Variants in PLXDC2 observed in about 807,000 individuals in gnomAD.
PLXDC2 encodes plexin domain containing 2.
A neutral mutation model predicts 68.9 loss-of-function variants in PLXDC2; 40 were observed. The observed-to-expected ratio is 0.58, with a 90% CI of 0.45 to 0.76. The LOEUF (loss-of-function observed/expected upper bound fraction) is 0.76, where lower values mean the gene tolerates loss of function less well. PLXDC2 is among the 30% of genes least tolerant of loss of function. The pLI, the probability that PLXDC2 is intolerant of heterozygous loss-of-function variation, is 0.00. For synonymous variants in PLXDC2, 243 were observed against 234.2 expected (o/e 1.04, Z -0.34); for missense variants, 644 against 661.9 (o/e 0.97, Z 0.30).
intron 7 of PLXDC2, among the ~76,000 whole-genome samples, chr10:20,166,074 G>A (rs539454286): frequency 6.6e-6 from 1 of 152,220 alleles, no homozygotes; most frequent in South Asian, 2.1e-4. Context: ...TTTGGTTACA[G>A]TGGTAGATAA....
chr10:20,042,589 TTTTG>T (rs3050071), intron 2 of PLXDC2, among the ~76,000 whole-genome samples: 119,322 of 151,288 alleles, frequency 0.79, 47,214 homozygotes, highest in East Asian at 0.85. Flanking sequence ...ATTTGATCTT[TTTTG>T]TTTGTTTGTT....
intron 4 of PLXDC2, among the ~76,000 whole-genome samples, chr10:20,117,599 T>A (rs1833638813): frequency 6.6e-6 from 1 of 152,114 alleles, no homozygotes. Context: ...CAGAGTTGAC[T>A]CCTGAAAAAA....
At chr10:19,960,293 G>A (rs1361831579) in intron 1 of PLXDC2, among the ~76,000 whole-genome samples, 1 of 151,834 alleles carries the variant, frequency 6.6e-6, no homozygotes, top group Non-Finnish European at 1.5e-5. Flanking sequence ...GAGTCCTGGA[G>A]TTCCAGGTCA....
intron 1 of PLXDC2, among the ~76,000 whole-genome samples, chr10:19,889,965 A>G (rs936470369): frequency 1.2e-4 from 19 of 152,342 alleles, no homozygotes; most frequent in Non-Finnish European, 2.2e-4. Flanking sequence ...GAGTAGTGAC[A>G]GGTAGAATAA....
intron 13 of PLXDC2, among the ~76,000 whole-genome samples, chr10:20,274,522 G>A (rs964608652): frequency 6.6e-6 from 1 of 152,150 alleles, no homozygotes. Context: ...GGAGACTAGA[G>A]ATGAGCTGAC....
chr10:20,069,315 G>A (rs1836276846), intron 4 of PLXDC2, among the ~76,000 whole-genome samples: 1 of 152,192 alleles, frequency 6.6e-6, no homozygotes, highest in South Asian at 2.1e-4. Context: ...GTGTAGCTTA[G>A]TGGAATATTA....
At chr10:19,877,974 A>G (rs1033871490) in intron 1 of PLXDC2, among the ~76,000 whole-genome samples, 6 of 152,230 alleles carry the variant, frequency 3.9e-5, no homozygotes, top group African/African-American at 7.2e-5. Flanking sequence ...CATTGCCACA[A>G]TATGTCCCAT....
chr10:20,014,431 TTTCC>T (rs1564657086), intron 2 of PLXDC2, among the ~76,000 whole-genome samples: 1 of 90,464 alleles, frequency 1.1e-5, no homozygotes, highest in Non-Finnish European at 2.4e-5. Flanking sequence ...TCCTTCCTTC[TTTCC>T]TTCCTTCCTT....
chr10:20,149,587 A>T (rs1021376964), intron 6 of PLXDC2, among the ~76,000 whole-genome samples: 2 of 151,884 alleles, frequency 1.3e-5, no homozygotes, highest in Non-Finnish European at 2.9e-5. Context: ...TCCACTCTCA[A>T]GTAGGCCCCA....
chr10:19,923,305 AAAG>A (rs1833490299), intron 1 of PLXDC2, among the ~76,000 whole-genome samples: 1 of 152,236 alleles, frequency 6.6e-6, no homozygotes, highest in African/African-American at 2.4e-5. Flanking sequence ...AAACAAAAAC[AAAG>A]AACAACAACA....
At chr10:20,152,131 T>C (rs185421094) in intron 6 of PLXDC2, among the ~76,000 whole-genome samples, 3 of 149,962 alleles carry the variant, frequency 2.0e-5, no homozygotes, top group East Asian at 1.9e-4. Flanking sequence ...GCTGCAAATA[T>C]TGTCATTTCT....
intron 1 of PLXDC2, among the ~76,000 whole-genome samples, chr10:19,951,703 G>A (rs1833995107): frequency 6.6e-6 from 1 of 152,184 alleles, no homozygotes; most frequent in African/African-American, 2.4e-5. Flanking sequence ...GTACTTGTAT[G>A]TTCGTTGCAG....
At chr10:19,947,650 A>C (rs893427875) in intron 1 of PLXDC2, among the ~76,000 whole-genome samples, 1 of 150,672 alleles carries the variant, frequency 6.6e-6, no homozygotes, top group Non-Finnish European at 1.5e-5. Context: ...AATACACCTC[A>C]GGGTGATTTA....
intron 4 of PLXDC2, among the ~76,000 whole-genome samples, chr10:20,088,279 T>A (rs2131727952): frequency 6.6e-6 from 1 of 152,332 alleles, no homozygotes; most frequent in Non-Finnish European, 1.5e-5. Context: ...GCTAAATGTT[T>A]CCAGTATGTA....
chr10:20,255,483 T>C (rs1282172015), intron 13 of PLXDC2, among the ~76,000 whole-genome samples: 2 of 152,174 alleles, frequency 1.3e-5, no homozygotes, highest in African/African-American at 4.8e-5. Context: ...TACTTAAGCC[T>C]TTCTATTGTG....
chr10:19,927,906 T>G lies in PLXDC2; in HGVS notation c.113-73869T>G, dbSNP rs528181981. On this transcript the variant is annotated intron_variant, in intron 1 of 13. Transcript: ENST00000377252. ...AAAGTGCACCTGTCAAGTGGAGTAG[T>G]GTAAATTGTACCCAATAGGTAGTTT... 2.6e-5 allele frequency among the ~76,000 whole-genome samples: 4 copies of G among 152,060 alleles called. No individual in the cohort carries two copies. In the South Asian group the frequency reaches 8.3e-4, roughly 31 times the overall value.
At chr10:20,182,614 T>C (rs780508908) in intron 9 of PLXDC2, among the ~76,000 whole-genome samples, 2 of 151,988 alleles carry the variant, frequency 1.3e-5, no homozygotes, top group Non-Finnish European at 2.9e-5. Context: ...GGTTGGGTGG[T>C]AAATAAGTAA....
intron 1 of PLXDC2, among the ~76,000 whole-genome samples, chr10:19,898,247 TA>T (rs1838096543): frequency 6.6e-6 from 1 of 152,202 alleles, no homozygotes; most frequent in African/African-American, 2.4e-5. Flanking sequence ...GGCTTGTTAC[TA>T]GAGTATATTG....
At chr10:19,982,627 AT>A (rs1252548888) in intron 1 of PLXDC2, among the ~76,000 whole-genome samples, 11 of 152,140 alleles carry the variant, frequency 7.2e-5, no homozygotes, top group Non-Finnish European at 1.6e-4. Context: ...CACTAGCTAA[AT>A]TTTTGATGCC....
Sources: allele counts gnomAD v4.1 joint callset (sites outside exome capture counted in the v4.1 genomes callset), GRCh38; gene constraint gnomAD v4.1.1; transcripts MANE v1.5; gene names NCBI Gene and HGNC (gene_info 2026-07-23, HGNC 2026-07-21).